ZHX3: variants seen among roughly 807,000 people sequenced by gnomAD.
The protein encoded by ZHX3 is zinc fingers and homeoboxes protein 3.
Under a neutral mutation model 64.5 loss-of-function variants are expected in ZHX3, and 20 were observed. The ratio of observed to expected loss-of-function variants is 0.31; its 90% CI spans 0.22 to 0.45. ZHX3 has a LOEUF of 0.45. Among genes scored for constraint, ZHX3 ranks in the 20% least tolerant of loss-of-function variants. ZHX3 has a pLI of 1.00. For synonymous variants in ZHX3, 423 were observed against 461.6 expected, an observed-to-expected ratio of 0.92 and a Z score of 1.07; for missense variants, 1,041 against 1,195.8, an observed-to-expected ratio of 0.87 and a Z score of 1.91.
rs529114496 is a variant in ZHX3 at position 41,249,480 on chromosome 20, C to T, written c.-151+19510G>A. 2.6e-3 allele frequency among the ~76,000 whole-genome samples: 392 copies of T among 152,276 alleles called. 1 individual carries two copies. The highest frequency in any genetic ancestry group is 8.9e-3 in the African/African-American group (371 of 41,548). Reference sequence around the variant, plus strand: ...CTGCCTTTAAAGCAGACACGAAGAACTGACATCACCAGCCAAGCAAGCGGA... The same window carrying T: ...CTGCCTTTAAAGCAGACACGAAGAATTGACATCACCAGCCAAGCAAGCGGA... On this transcript the variant is annotated intron_variant, in intron 2 of 3. Coordinates refer to ENST00000683867, the MANE Select transcript of ZHX3 (RefSeq NM_001384317.1).
chr20:41,210,538 TC>T (rs1400076527), intron 2 of ZHX3, among the ~76,000 whole-genome samples: 1 of 152,196 alleles, frequency 6.6e-6, no homozygotes, highest in Non-Finnish European at 1.5e-5. Context: ...TGAGTTCATG[TC>T]CTTTGTAGGG....
chr20:41,275,236 C>A (rs768976561), intron 1 of ZHX3, among the ~76,000 whole-genome samples: 8 of 152,104 alleles, frequency 5.3e-5, no homozygotes, highest in Admixed American at 2.6e-4. Context: ...AATAAACCAG[C>A]ACCAAATCGC....
At chr20:41,292,265 A>C (rs2044287058) in intron 1 of ZHX3, among the ~76,000 whole-genome samples, 1 of 152,124 alleles carries the variant, frequency 6.6e-6, no homozygotes, top group African/African-American at 2.4e-5. Flanking sequence ...CACTGTCTCT[A>C]ATATTTAGGA....
chr20:41,285,192 A>C (rs1241582534), intron 1 of ZHX3, among the ~76,000 whole-genome samples: 1 of 152,116 alleles, frequency 6.6e-6, no homozygotes, highest in African/African-American at 2.4e-5. Flanking sequence ...ACTAAACTGT[A>C]AATTACTTGA....
chr20:41,183,183 G>GTGTATA lies in ZHX3; in HGVS notation c.*2007_*2008insTATACA, dbSNP rs138691505. The GTGTATA allele has an allele frequency of 2.7e-5, 4 of 150,814 alleles. No homozygotes were observed. The highest frequency in any genetic ancestry group is 4.4e-5 in the Non-Finnish European group (3 of 67,672). 9.3% of individuals were successfully genotyped at this position (150,814 alleles called of 1,614,324 possible). On this transcript the variant is annotated 3_prime_UTR_variant, in exon 4 of 4. Transcript: ENST00000683867. This position sits in a 1 kb window ranked among gnomAD's most constrained non-coding sequence, Gnocchi z 5.3. ...GTATTTATACTGTATATGTGTGTGT[G>GTGTATA]TATATATATATATATAAATTAATCT... is the stretch of plus-strand genomic sequence containing the variant.
At chr20:41,297,639 C>G (rs1369976714) in intron 1 of ZHX3, among the ~76,000 whole-genome samples, 3 of 152,172 alleles carry the variant, frequency 2.0e-5, no homozygotes, top group Admixed American at 6.5e-5. Flanking sequence ...AGTAACCCCC[C>G]TACACACACC....
Position 41,212,739 on chromosome 20 carries a change from G to A in ZHX3, c.-150-7673C>T, listed in dbSNP as rs1285328486. Among the ~76,000 whole-genome samples, 2 of 151,754 alleles carry A rather than the reference G, an allele frequency of 1.3e-5. No individual in the cohort carries two copies. The highest frequency in any genetic ancestry group is 2.4e-5 in the African/African-American group (1 of 41,272). ...TTGAACCTGGGAGGCGGAGGTTGCA[G>A]TGAGCCAAGATCATGCCATTGTACT... is the stretch of plus-strand genomic sequence containing the variant. On this transcript the variant is annotated intron_variant, in intron 2 of 3. Coordinates refer to ENST00000683867, the MANE Select transcript of ZHX3 (RefSeq NM_001384317.1). The surrounding 1 kb of genome is among the most constrained non-coding windows in gnomAD (Gnocchi z 4.3).
At chr20:41,221,351 C>G (rs2039932891) in intron 2 of ZHX3, among the ~76,000 whole-genome samples, 1 of 152,186 alleles carries the variant, frequency 6.6e-6, no homozygotes, top group Non-Finnish European at 1.5e-5. Context: ...TGGATTTAAT[C>G]CACAGCACCA....
intron 2 of ZHX3, among the ~76,000 whole-genome samples, chr20:41,237,326 C>A (rs182744305): frequency 1.3e-5 from 2 of 152,008 alleles, no homozygotes; most frequent in Non-Finnish European, 1.5e-5. Context: ...ATGTTTATTG[C>A]GGCACTATTC....
At position 41,196,000 on chromosome 20, in the gene ZHX3, G is replaced by C. The variant is rs1163675661; in HGVS notation, c.2860+6057C>G. 6.6e-6 allele frequency among the ~76,000 whole-genome samples: 1 copy of C among 151,530 alleles called. No homozygotes were observed. Among genetic ancestry groups the C allele is most frequent in the Non-Finnish European group, 1.5e-5 (1 of 67,920 alleles). ...AAAATGTATTAACACTTGTTTCATG[G>C]CTTAACATACGGTTTATCCTGGAGA... On this transcript the variant is annotated intron_variant, in intron 3 of 3. Coordinates refer to ENST00000683867, the MANE Select transcript of ZHX3 (RefSeq NM_001384317.1). This position sits in a 1 kb window ranked among gnomAD's most constrained non-coding sequence, Gnocchi z 4.2.
chr20:41,208,555 G>C (rs867287903), intron 2 of ZHX3, among the ~76,000 whole-genome samples: 31 of 152,152 alleles, frequency 2.0e-4, no homozygotes, highest in African/African-American at 7.0e-4. Flanking sequence ...ATCAATAAAT[G>C]TAATCCATCA....
chr20:41,306,679 A>G (rs1419289423), intron 1 of ZHX3, among the ~76,000 whole-genome samples: 3 of 152,260 alleles, frequency 2.0e-5, no homozygotes, highest in African/African-American at 7.2e-5. Context: ...AATGGGGCCT[A>G]TAGCATTGCC....
At chr20:41,216,443 A>G (rs1046491281) in intron 2 of ZHX3, among the ~76,000 whole-genome samples, 1 of 152,208 alleles carries the variant, frequency 6.6e-6, no homozygotes. Flanking sequence ...ACTATAATTA[A>G]TTCTTTTAAA....
intron 2 of ZHX3, among the ~76,000 whole-genome samples, chr20:41,229,204 T>A (rs1434570758): frequency 6.6e-6 from 1 of 152,242 alleles, no homozygotes; most frequent in African/African-American, 2.4e-5. Flanking sequence ...TAACTTAGCA[T>A]AATATCCTCA....
intron 1 of ZHX3, among the ~76,000 whole-genome samples, chr20:41,296,254 A>G (rs867444065): frequency 1.1e-5 from 1 of 92,406 alleles, no homozygotes; most frequent in Non-Finnish European, 2.4e-5. Flanking sequence ...AAAAAAAAAA[A>G]AAAAAAAAAA....
At chr20:41,191,980 G>A (rs907256026) in intron 3 of ZHX3, among the ~76,000 whole-genome samples, 2 of 152,150 alleles carry the variant, frequency 1.3e-5, no homozygotes, top group Non-Finnish European at 2.9e-5. Flanking sequence ...TTGGGCTTTC[G>A]GGTGGCTTAC....
At chr20:41,209,325 A>C (rs1275705141) in intron 2 of ZHX3, among the ~76,000 whole-genome samples, 1 of 152,206 alleles carries the variant, frequency 6.6e-6, no homozygotes, top group African/African-American at 2.4e-5. Flanking sequence ...TCTTCACAGA[A>C]TTGGAAAAAA....
At chr20:41,268,054 C>A (rs760710072) in intron 2 of ZHX3, among the ~76,000 whole-genome samples, 1 of 152,160 alleles carries the variant, frequency 6.6e-6, no homozygotes, top group South Asian at 2.1e-4. Flanking sequence ...AGGGAAGGTG[C>A]CCACCACAAG....
At chr20:41,239,232 G>A (rs1214951833) in intron 2 of ZHX3, among the ~76,000 whole-genome samples, 3 of 151,352 alleles carry the variant, frequency 2.0e-5, no homozygotes, top group East Asian at 1.9e-4. Flanking sequence ...GATGCTCTCG[G>A]TCTCCTGACC....
Sources: gnomAD v4.1 joint callset for allele counts (sites outside exome capture counted in the v4.1 genomes callset) on GRCh38, gnomAD v4.1.1 for gene constraint, Gnocchi (gnomAD v3.1) non-coding constraint, MANE v1.5 for transcripts, NCBI Gene and HGNC (gene_info 2026-07-23, HGNC 2026-07-21) for gene names.